Variants in KLC2 observed in about 807,000 individuals in gnomAD.
The protein encoded by KLC2 is kinesin light chain 2, also known as KLC 2.
Under a neutral mutation model 75.1 loss-of-function variants are expected in KLC2, and 35 were observed. The observed-to-expected ratio is 0.47, with a 90% CI of 0.36 to 0.62. KLC2 has a LOEUF of 0.62. KLC2 is among the 20% of genes least tolerant of loss of function. The pLI is 0.00. For missense variants in KLC2, 611 were observed against 833.2 expected, an observed-to-expected ratio of 0.73 and a Z score of 3.28; for synonymous variants, 314 against 336.7, an observed-to-expected ratio of 0.93 and a Z score of 0.74.
At chr11:66,246,883 C>T in the KLC2 span, among the ~76,000 whole-genome samples, 7 of 152,146 alleles carry the variant, frequency 4.6e-5, no homozygotes, top group Non-Finnish European at 8.8e-5. Flanking sequence ...CTCTCACCTC[C>T]CTGGCCTCTC....
intron 2 of KLC2, 89 bp downstream of exon 2, chr11:66,258,911 C>T: frequency 1.1e-6 from 1 of 881,802 alleles, no homozygotes; most frequent in Non-Finnish European, 1.7e-6. Flanking sequence ...AGAATCTGAG[C>T]AGGGAACCGT....
upstream of KLC2, among the ~76,000 whole-genome samples, chr11:66,252,510 G>A (rs1042139263): frequency 7.3e-5 from 9 of 123,328 alleles, no homozygotes; most frequent in African/African-American, 1.4e-4. Flanking sequence ...TGATCCCCCC[G>A]CCTCGGCCTC....
chr11:66,259,422 G>C (rs549310196), intron 2 of KLC2: 1 of 152,384 alleles, frequency 6.6e-6, no homozygotes, highest in Non-Finnish European at 1.5e-5. Flanking sequence ...AGGGAGGCAG[G>C]GGAGAAGTTG....
chr11:66,250,353 A>G, the KLC2 span, among the ~76,000 whole-genome samples: 146,711 of 152,218 alleles, frequency 0.96, 70,921 homozygotes, highest in Middle Eastern at 1. Flanking sequence ...GGTTCAGTGC[A>G]TGAGTGAGGG....
At chr11:66,247,286 A>G in the KLC2 span, among the ~76,000 whole-genome samples, 1 of 152,056 alleles carries the variant, frequency 6.6e-6, no homozygotes, top group Non-Finnish European at 1.5e-5. Flanking sequence ...CCTGTTCTCC[A>G]CTCAATAGCC....
chr11:66,261,475 C>T, intron 2 of KLC2: 1 of 436,706 alleles, frequency 2.3e-6, no homozygotes, highest in East Asian at 3.7e-5. Context: ...GAAAGCACAG[C>T]ACCCCAACTA....
At chr11:66,245,536 T>A in the KLC2 span, among the ~76,000 whole-genome samples, 5 of 152,062 alleles carry the variant, frequency 3.3e-5, no homozygotes, top group Admixed American at 1.3e-4. Context: ...GCCAACATGG[T>A]GAAACCCCGT....
chr11:66,263,578 G>A (rs1294121520), intron 5 of KLC2, 82 bp from the exon 6 acceptor site: 1 of 930,808 alleles, frequency 1.1e-6, no homozygotes, highest in East Asian at 2.4e-5. Flanking sequence ...AGTGAGTACA[G>A]GAGTGACCAC....
chr11:66,245,129 T>G, the KLC2 span: 1 of 152,384 alleles, frequency 6.6e-6, no homozygotes, highest in East Asian at 1.9e-4. Flanking sequence ...GTGGAGGGAA[T>G]AGGGCTGAGG....
chr11:66,261,854 C>A lies in KLC2; in HGVS notation c.341C>A (p.Ala114Glu). The A allele has an allele frequency of 6.2e-7, 1 of 1,613,828 alleles. No homozygotes were observed. Among genetic ancestry groups the A allele is most frequent in the Non-Finnish European group, 8.5e-7 (1 of 1,179,900 alleles). The part of the protein sequence containing the change: ...QENQWLREEL[A>E]GTQQKLQRSE... ...AACCAGTGGCTGCGTGAGGAGCTGG[C>A]GGGGACACAGCAGAAGCTGCAGCGC... Residue 114 changes from alanine to glutamate, a missense_variant, in exon 3 of 16, where the codon GCG becomes GAG. Physicochemically the swap from Ala to Glu is moderately radical, Grantham distance 107. Coordinates refer to ENST00000394067, the MANE Select transcript of KLC2 (RefSeq NM_001318734.2).
Position 66,267,106 on chromosome 11 carries a change from C to T in KLC2, c.*150C>T, listed in dbSNP as rs1318691146. The T allele has an allele frequency of 3.9e-6, 6 of 1,530,626 alleles. No individual in the cohort carries two copies. In the African/African-American group the frequency reaches 8.2e-5, roughly 21 times the overall value. The allele number at this position is 1,530,626 out of a possible 1,614,324, so 94.8% of individuals were successfully genotyped here. ...TCAGGGTAACCTTCTCCCTTGTCAT[C>T]TCAGCCTGAGCCCTGGAGGCTGGGC... On this transcript the variant is annotated 3_prime_UTR_variant, in exon 16 of 16. Transcript: ENST00000394067.
chr11:66,256,544 G>A (rs760065031), upstream of KLC2, among the ~76,000 whole-genome samples: 54 of 152,274 alleles, frequency 3.5e-4, no homozygotes, highest in Middle Eastern at 3.4e-3. Flanking sequence ...AGCCAAGATC[G>A]TGCCACTGCA....
chr11:66,266,517 T>G, intron 15 of KLC2, 27 bp downstream of exon 15: 1 of 1,610,764 alleles, frequency 6.2e-7, no homozygotes, highest in South Asian at 1.1e-5. Flanking sequence ...GTCTGGGCAC[T>G]GGGCAGCTGC....
the KLC2 span, among the ~76,000 whole-genome samples, chr11:66,249,836 C>T: frequency 2.0e-5 from 3 of 152,162 alleles, no homozygotes; most frequent in Non-Finnish European, 2.9e-5. Flanking sequence ...CATCCTGCGC[C>T]GCCCCTCCCA....
At chr11:66,263,087 G>T in intron 5 of KLC2, 51 bp downstream of exon 5, 1 of 1,393,786 alleles carries the variant, frequency 7.2e-7, no homozygotes, top group Admixed American at 1.8e-5. Flanking sequence ...TCCAGCCCTG[G>T]ATCACTAACC....
At chr11:66,266,802 AC>A (rs1804067457) in intron 15 of KLC2, 70 bp from the exon 16 acceptor site, 1 of 1,509,842 alleles carries the variant, frequency 6.6e-7, no homozygotes, top group Non-Finnish European at 9.2e-7. Flanking sequence ...GCCAGGTCAG[AC>A]CCCTTCAGGC....
At chr11:66,251,818 T>G in the KLC2 span, among the ~76,000 whole-genome samples, 1 of 152,244 alleles carries the variant, frequency 6.6e-6, no homozygotes, top group Non-Finnish European at 1.5e-5. Context: ...ACAGACTGAC[T>G]GTCCTGTGTG....
chr11:66,263,657 C>T lies in KLC2; in HGVS notation c.753-3C>T. Reference sequence around the variant, plus strand: ...CCCTGACCATGCTCCTACCTGCTCCCAGGGATCAGAACAAGTACAAGGAGG... The same window carrying T: ...CCCTGACCATGCTCCTACCTGCTCCTAGGGATCAGAACAAGTACAAGGAGG... On this transcript the variant is annotated splice_polypyrimidine_tract_variant and splice_region_variant and intron_variant, in intron 5 of 15. Transcript: ENST00000394067. The T allele has an allele frequency of 6.2e-7, 1 of 1,611,616 alleles. No individual in the cohort carries two copies.
At chr11:66,255,436 G>A (rs1366412197), upstream of KLC2, among the ~76,000 whole-genome samples, 4 of 152,186 alleles carry the variant, frequency 2.6e-5, no homozygotes, top group Non-Finnish European at 5.9e-5. Flanking sequence ...CAATCTGCCC[G>A]CCTTGGCCTG....
Sources: allele counts gnomAD v4.1 joint callset (sites outside exome capture counted in the v4.1 genomes callset), GRCh38; gene constraint gnomAD v4.1.1; transcripts MANE v1.5; gene names NCBI Gene and HGNC (gene_info 2026-07-23, HGNC 2026-07-21).